The following VSIG8 variants were observed in gnomAD, a reference collection of about 807,000 sequenced individuals.
VSIG8 encodes V-set and immunoglobulin domain containing 8, also known as V-set and immunoglobulin domain-containing protein 8.
VSIG8 carries 32 observed loss-of-function variants against 42.6 expected under a neutral mutation model. The observed-to-expected ratio is 0.75, with a 90% CI of 0.57 to 1.01. VSIG8 has a LOEUF of 1.01. VSIG8 is among the 50% of genes least tolerant of loss of function. The pLI, the probability that VSIG8 is intolerant of heterozygous loss-of-function variation, is 0.00. For missense variants in VSIG8, 529 were observed against 558.0 expected (o/e 0.95, Z 0.52); for synonymous variants, 290 against 243.8 (o/e 1.19, Z -1.77).
chr1:159,861,232 G>A (rs1368292557), intron 1 of VSIG8: 2 of 152,022 alleles, frequency 1.3e-5, no homozygotes, highest in African/African-American at 2.4e-5. Flanking sequence ...GTGATTCTTT[G>A]CCCCCCAAAA....
At chr1:159,856,771 C>CCACA (rs34019182) in intron 4 of VSIG8, 128 bp from the exon 5 acceptor site, 41,187 of 887,426 alleles carry the variant, frequency 0.046, 1,837 homozygotes, top group East Asian at 0.25. Flanking sequence ...ACACCCACAC[C>CCACA]CACACACACA....
In VSIG8 at chr1:159,857,794, G is replaced by A. The variant is rs1648894518; in HGVS notation, c.603C>T (p.Tyr201=). 4.3e-6 allele frequency: 7 copies of A among 1,614,182 alleles called. No individual in the cohort carries two copies. Among genetic ancestry groups the A allele is most frequent in the Non-Finnish European group, 5.9e-6 (7 of 1,180,028 alleles). The change falls in exon 4 of 7, where the codon TAC becomes TAT. Residue 201 remains tyrosine (Y), a synonymous_variant. Transcript: ENST00000368100. ...ACTCCTGGTAGGACAGCTCTGAGTG[G>A]TAGCTGTGCTGGGAGGTGTAAGACC... ...RAGSYTSQHS[Y]HSELSYQESF...
intron 4 of VSIG8, 46 bp downstream of exon 4, chr1:159,857,699 T>C: frequency 1.9e-6 from 3 of 1,548,174 alleles, no homozygotes; most frequent in Non-Finnish European, 2.7e-6. Context: ...CCAGAGTCCC[T>C]GATCTTCCAC....
In VSIG8 at chr1:159,854,787, C is replaced by T. The variant is rs1257477321; in HGVS notation, c.1211G>A (p.Gly404Glu). The T allele has an allele frequency of 1.3e-6, 2 of 1,503,966 alleles. No individual in the cohort carries two copies. Among genetic ancestry groups the T allele is most frequent in the Non-Finnish European group, 8.8e-7 (1 of 1,133,792 alleles). The allele number at this position is 1,503,966 out of a possible 1,614,324, so 93.2% of individuals were successfully genotyped here. Residue 404 changes from glycine (G) to glutamate (E), a missense_variant, in exon 7 of 7, where the codon GGG (glycine) becomes GAG (glutamate). Coordinates refer to ENST00000368100, the MANE Select transcript of VSIG8 (RefSeq NM_001013661.1). ...GAGGCCGTTCTTGCACTGCACCGGC[C>T]CCTCGGCGCAGTCAGCCGGCTCCGC... Reference protein sequence around the residue: ...KSAEPADCAEGPVQCKNGLLV With the variant: ...KSAEPADCAEEPVQCKNGLLV
intron 4 of VSIG8, among the ~76,000 whole-genome samples, chr1:159,857,446 A>G (rs141767214): frequency 0.021 from 3,163 of 152,086 alleles, 109 homozygotes; most frequent in African/African-American, 0.072. Flanking sequence ...GCGGTGGTGC[A>G]TGCCTGTAAT....
At chr1:159,855,557 G>A (rs567187863) in intron 6 of VSIG8, 1 of 985,294 alleles carries the variant, frequency 1.0e-6, no homozygotes, top group East Asian at 1.1e-4. Flanking sequence ...AAATAATAAT[G>A]TCAGAGTTCT....
At chr1:159,856,762 C>T in intron 4 of VSIG8, 119 bp from the exon 5 acceptor site, 1 of 1,158,862 alleles carries the variant, frequency 8.6e-7, no homozygotes, top group Non-Finnish European at 1.2e-6. Flanking sequence ...CATGTGTGTA[C>T]ACCCACACCC....
rs1648727471 is a variant in VSIG8, at chr1:159,854,513, G to A, written c.*240C>T. 4 of 735,050 alleles carry A rather than the reference G, an allele frequency of 5.4e-6. No homozygotes were observed. Among genetic ancestry groups the A allele is most frequent in the Non-Finnish European group, 7.7e-6 (4 of 519,456 alleles). 45.5% of individuals were successfully genotyped at this position (735,050 alleles called of 1,614,324 possible). A position where few individuals can be genotyped will look rare whatever the true frequency, so the allele number is the denominator to read the frequency against. ...CTCCCTCCCTCTCCCCCAAGCCTTC[G>A]GTCCCGGGGGTGCGGAGAAGGCTCA... On this transcript the variant is annotated 3_prime_UTR_variant, in exon 7 of 7. Transcript: ENST00000368100.
At chr1:159,855,644 C>G (rs1340878332) in intron 6 of VSIG8, 4 of 970,962 alleles carry the variant, frequency 4.1e-6, no homozygotes, top group Non-Finnish European at 4.9e-6. Flanking sequence ...ACAAGACAGA[C>G]AGGTGCGTAG....
rs2101830497 is a variant in VSIG8, at chr1:159,858,926, A to C, written c.50-14T>G. On this transcript the variant is annotated splice_polypyrimidine_tract_variant and intron_variant, in intron 1 of 6. Transcript: ENST00000368100. ...CAGACAGCAGTGCTAGGGGGAGGGC[A>C]GAGAAGATGGGGTGGTAGGAGCAGA... The C allele has an allele frequency of 2.5e-6, 4 of 1,608,824 alleles. No individual in the cohort carries two copies. In the Middle Eastern group the frequency reaches 6.7e-4, roughly 268 times the overall value.
chr1:159,858,796 T>C lies in VSIG8; in HGVS notation c.166A>G (p.Asn56Asp), dbSNP rs1046019692. Residue 56 changes from asparagine to aspartate, a missense_variant, in exon 2 of 7, where the codon AAT becomes GAT. Asn to Asp is a conservative substitution (Grantham distance 23). Coordinates refer to ENST00000368100, the MANE Select transcript of VSIG8 (RefSeq NM_001013661.1). ...TGCATCCACTCGATGTCCAGCCCAT[T>C]GGGACCATAGTCCTCAGGGTCCAGG... Reference protein sequence around the residue: ...YVLDPEDYGPNGLDIEWMQVN... With the variant: ...YVLDPEDYGPDGLDIEWMQVN... The C allele has an allele frequency of 8.7e-6, 14 of 1,613,892 alleles. No individual in the cohort carries two copies. Among genetic ancestry groups the C allele is most frequent in the Admixed American group, 1.7e-5 (1 of 59,994 alleles).
At position 159,855,870 on chromosome 1, in the gene VSIG8, C is replaced by T. The variant is rs757908285; in HGVS notation, c.971+13G>A. 6.5e-6 allele frequency: 10 copies of T among 1,549,868 alleles called. No individual in the cohort carries two copies. The East Asian group carries it at 2.3e-4, about 36-fold the overall frequency. On this transcript the variant is annotated intron_variant, in intron 6 of 6. Coordinates refer to ENST00000368100, the MANE Select transcript of VSIG8 (RefSeq NM_001013661.1). Reference sequence around the variant, plus strand: ...CTGCCGCACAGCAGCATGCAGCATGCATCAGGTTTTACCTGATCTCACTAG... The same window carrying T: ...CTGCCGCACAGCAGCATGCAGCATGTATCAGGTTTTACCTGATCTCACTAG...
rs142337981 is a variant in VSIG8, at chr1:159,862,488, C to T, written c.34G>A (p.Val12Met). Residue 12 changes from valine to methionine, a missense_variant, in exon 1 of 7, where the codon GTG becomes ATG. Physicochemically the swap from Val to Met is conservative, Grantham distance 21. Coordinates refer to ENST00000368100, the MANE Select transcript of VSIG8 (RefSeq NM_001013661.1). ...AGCCCCGTACCTGGGCTCAGGCACA[C>T]GAGTAGAAGGTGGAATGCTCCTCCA... ...RVGGAFHLLL[V>M]CLSPALLSAV... The T allele has an allele frequency of 2.5e-5, 40 of 1,613,066 alleles. No homozygotes were observed. The highest frequency in any genetic ancestry group is 3.1e-5 in the Non-Finnish European group (36 of 1,179,456).
Position 159,862,613 on chromosome 1 carries a change from T to G in VSIG8, c.-92A>C. On this transcript the variant is annotated 5_prime_UTR_variant, in exon 1 of 7. Transcript: ENST00000368100. ...GGGGGTAGGTGGAGGGAGGGGGAGCTGAGGGCCCAGACACTGCCTGGGGTG... is the reference window on the plus strand; with the variant it reads ...GGGGGTAGGTGGAGGGAGGGGGAGCGGAGGGCCCAGACACTGCCTGGGGTG... 8.1e-7 allele frequency: 1 copy of G among 1,236,342 alleles called. No homozygotes were observed. Among genetic ancestry groups the G allele is most frequent in the Non-Finnish European group, 1.2e-6 (1 of 867,184 alleles). 76.6% of individuals were successfully genotyped at this position (1,236,342 alleles called of 1,614,324 possible). A position where few individuals can be genotyped will look rare whatever the true frequency, so the allele number is the denominator to read the frequency against.
At chr1:159,856,780 C>G in intron 4 of VSIG8, 137 bp from the exon 5 acceptor site, 1 of 1,072,724 alleles carries the variant, frequency 9.3e-7, no homozygotes. Flanking sequence ...CCCACACACA[C>G]ACACACACAC....
chr1:159,858,943 A>G (rs752989700), intron 1 of VSIG8, 31 bp from the exon 2 acceptor site: 4 of 1,601,004 alleles, frequency 2.5e-6, no homozygotes, highest in African/African-American at 1.3e-5. Flanking sequence ...ATGGGGTGGT[A>G]GGAGCAGAAG....
chr1:159,860,471 G>A lies in VSIG8; in HGVS notation c.50-1559C>T, dbSNP rs1261368401. ...CAGGAAGGCTTAGCCTGGCTCCAGAGAGGCCAGCAAGGGCCCTTTCAACAC... is the reference window on the plus strand; with the variant it reads ...CAGGAAGGCTTAGCCTGGCTCCAGAAAGGCCAGCAAGGGCCCTTTCAACAC... On this transcript the variant is annotated intron_variant, in intron 1 of 6. Transcript: ENST00000368100. Among the ~76,000 whole-genome samples the A allele has an allele frequency of 2.0e-5, 3 of 152,204 alleles. No homozygotes were observed. In the East Asian group the frequency reaches 5.8e-4, roughly 29 times the overall value.
At chr1:159,855,684 A>T (rs972179697) in intron 6 of VSIG8, 199 bp downstream of exon 6, 1 of 945,546 alleles carries the variant, frequency 1.1e-6, no homozygotes, top group African/African-American at 1.8e-5. Flanking sequence ...CAGGGAGCAG[A>T]GGTGAAGACT....
At chr1:159,855,522 A>G (rs926663152) in intron 6 of VSIG8, 1 of 985,144 alleles carries the variant, frequency 1.0e-6, no homozygotes. Context: ...AGTTATTAGC[A>G]CTATTCTTAT....
Sources: allele counts gnomAD v4.1 joint callset (sites outside exome capture counted in the v4.1 genomes callset), GRCh38; gene constraint gnomAD v4.1.1; transcripts MANE v1.5; gene names NCBI Gene and HGNC (gene_info 2026-07-23, HGNC 2026-07-21).